The following PALB2 variants were observed in gnomAD, a reference collection of about 807,000 sequenced individuals.
PALB2 encodes the protein partner and localizer of BRCA2, also known as mutant partner and localizer of BRCA2.
Under a neutral mutation model 107.4 loss-of-function variants are expected in PALB2, and 82 were observed. The observed-to-expected ratio is 0.76, with a 90% CI of 0.64 to 0.92. The LOEUF is 0.92. Ranked by LOEUF, PALB2 falls within the 40% of genes least tolerant of loss-of-function variation. The pLI, the probability that PALB2 is intolerant of heterozygous loss-of-function variation, is 0.00. For missense variants in PALB2, 1,374 were observed against 1,379.9 expected, an observed-to-expected ratio of 1.00 and a Z score of 0.07; for synonymous variants, 489 against 496.8, an observed-to-expected ratio of 0.98 and a Z score of 0.21.
At chr16:23,623,470 G>T (rs1357226073) in intron 8 of PALB2, among the ~76,000 whole-genome samples, 6 of 148,272 alleles carry the variant, frequency 4.0e-5, no homozygotes, top group Non-Finnish European at 8.9e-5. Context: ...CCAAAGTGCT[G>T]GGATTACAGG....
At chr16:23,612,910 G>A (rs990604230) in intron 11 of PALB2, among the ~76,000 whole-genome samples, 13 of 151,762 alleles carry the variant, frequency 8.6e-5, no homozygotes, top group African/African-American at 2.2e-4. Flanking sequence ...GCGCCACCAC[G>A]CCCACCTAAT....
At position 23,636,254 on chromosome 16, in the gene PALB2, T is replaced by C. The variant is rs587782831; in HGVS notation, c.292A>G (p.Ile98Val). 1.6e-5 allele frequency: 26 copies of C among 1,613,850 alleles called. No individual in the cohort carries two copies. Among genetic ancestry groups the C allele is most frequent in the Middle Eastern group, 1.6e-4 (1 of 6,084 alleles). Residue 98 changes from isoleucine to valine, a missense_variant, in exon 4 of 13, where the codon ATC becomes GTC. Physicochemically the swap from Ile to Val is conservative, Grantham distance 29. Coordinates refer to ENST00000261584, the MANE Select transcript of PALB2 (RefSeq NM_024675.4). ...LDEETGEKTS[I>V]TLDVGPESFN... ...GACTCAGGCCCAACATCAAGTGTGATAGATGTCTTTTCTCCAGTTTCTTCA... is the reference window on the plus strand; with the variant it reads ...GACTCAGGCCCAACATCAAGTGTGACAGATGTCTTTTCTCCAGTTTCTTCA...
At chr16:23,608,801 T>TATATAGACACACACACAC (rs560756242) in intron 11 of PALB2, among the ~76,000 whole-genome samples, 1 of 143,762 alleles carries the variant, frequency 7.0e-6, no homozygotes, top group Non-Finnish European at 1.5e-5. Context: ...TGTATATATA[T>TATATAGACACACACACAC]ACACACACAC....
At chr16:23,641,070 G>T in intron 1 of PALB2, 40 bp downstream of exon 1, 1 of 1,608,176 alleles carries the variant, frequency 6.2e-7, no homozygotes, top group Non-Finnish European at 8.5e-7. Flanking sequence ...GGGAAAGCGG[G>T]GTCAGAGTCC....
chr16:23,634,626 C>T (rs1567220337), intron 4 of PALB2, among the ~76,000 whole-genome samples: 2 of 149,720 alleles, frequency 1.3e-5, no homozygotes, highest in Admixed American at 1.3e-4. Context: ...ACAGTGAGCC[C>T]CTGTCTCTTT....
At chr16:23,628,711 C>T (rs1966852022) in intron 6 of PALB2, among the ~76,000 whole-genome samples, 1 of 152,200 alleles carries the variant, frequency 6.6e-6, no homozygotes, top group East Asian at 1.9e-4. Flanking sequence ...TCTTGGCTCA[C>T]TGCAACGTCT....
intron 4 of PALB2, among the ~76,000 whole-genome samples, chr16:23,632,176 C>A (rs903108300): frequency 6.6e-6 from 1 of 152,228 alleles, no homozygotes; most frequent in African/African-American, 2.4e-5. Context: ...GGCTCAGTGG[C>A]TCACACCTAT....
At chr16:23,636,672 A>G (rs886421710) in intron 3 of PALB2, among the ~76,000 whole-genome samples, 1 of 152,234 alleles carries the variant, frequency 6.6e-6, no homozygotes, top group African/African-American at 2.4e-5. Flanking sequence ...TTTTAAGTAC[A>G]TATAAACAAA....
At chr16:23,606,916 G>A (rs995322530) in intron 12 of PALB2, among the ~76,000 whole-genome samples, 17 of 147,840 alleles carry the variant, frequency 1.1e-4, no homozygotes, top group East Asian at 2.0e-4. Flanking sequence ...CTGCCTCCCA[G>A]GTTCAAGTGA....
At chr16:23,634,742 G>T in intron 4 of PALB2, 120 bp downstream of exon 4, 1 of 1,380,874 alleles carries the variant, frequency 7.2e-7, no homozygotes, top group Non-Finnish European at 9.9e-7. Flanking sequence ...GATTACAGAC[G>T]TAAGCCACCA....
intron 1 of PALB2, among the ~76,000 whole-genome samples, chr16:23,639,270 C>A (rs1055830314): frequency 1.3e-5 from 2 of 152,116 alleles, no homozygotes; most frequent in Non-Finnish European, 2.9e-5. Flanking sequence ...CAGTGGCTCA[C>A]GCCTGTAATC....
chr16:23,640,303 C>T, intron 1 of PALB2: 1 of 201,680 alleles, frequency 5.0e-6, no homozygotes, highest in Non-Finnish European at 1.0e-5. Flanking sequence ...AAGCTGGAAA[C>T]ATCCTAAAAG....
rs1473970758 is a variant in PALB2 at position 23,638,114 on chromosome 16, C to A, written c.64G>T (p.Ala22Ser). 6.2e-7 allele frequency: 1 copy of A among 1,613,840 alleles called. No individual in the cohort carries two copies. Among genetic ancestry groups the A allele is most frequent in the African/African-American group, 1.3e-5 (1 of 74,888 alleles). Reference sequence around the variant, plus strand: ...TTGCTGTATTCCCTTTTCAAGAATGCTAATTTCTCCTTTAACTGGAAGAAG... The same window carrying A: ...TTGCTGTATTCCCTTTTCAAGAATGATAATTTCTCCTTTAACTGGAAGAAG... Reference protein sequence around the residue: ...EEKEKLKEKLAFLKREYSKTL... With the variant: ...EEKEKLKEKLSFLKREYSKTL... The change falls in exon 2 of 13, where the codon GCA (alanine) becomes TCA (serine). Residue 22 changes from alanine to serine, a missense_variant. Coordinates refer to ENST00000261584, the MANE Select transcript of PALB2 (RefSeq NM_024675.4).
At chr16:23,620,037 C>T (rs1226641087) in intron 10 of PALB2, among the ~76,000 whole-genome samples, 2 of 152,170 alleles carry the variant, frequency 1.3e-5, no homozygotes, top group African/African-American at 2.4e-5. Flanking sequence ...GCCTTGGCCT[C>T]CCAAAGTGCT....
intron 12 of PALB2, among the ~76,000 whole-genome samples, 177 bp from the exon 13 acceptor site, chr16:23,603,846 C>G (rs1242199372): frequency 1.3e-5 from 2 of 152,150 alleles, no homozygotes; most frequent in Non-Finnish European, 2.9e-5. Flanking sequence ...CAGTTTTGGA[C>G]AGAATCACAT....
At chr16:23,606,724 C>A (rs562226041) in intron 12 of PALB2, among the ~76,000 whole-genome samples, 1 of 151,666 alleles carries the variant, frequency 6.6e-6, no homozygotes, top group African/African-American at 2.4e-5. Flanking sequence ...GGGGTTTCAC[C>A]GTGTTGGTCA....
chr16:23,603,514 G>C lies in PALB2; in HGVS notation c.3506C>G (p.Ser1169Cys), dbSNP rs1555457848. 1 of 1,614,034 alleles carries C rather than the reference G, an allele frequency of 6.2e-7. No homozygotes were observed. The highest frequency in any genetic ancestry group is 8.5e-7 in the Non-Finnish European group (1 of 1,179,988). The change falls in exon 13 of 13, where the codon TCT (serine) becomes TGT (cysteine). Residue 1169 changes from serine (S) to cysteine (C), a missense_variant. By Grantham distance (112) the Ser-to-Cys change is moderately radical. Coordinates refer to ENST00000261584, the MANE Select transcript of PALB2 (RefSeq NM_024675.4). ...ATCTTTTTGTCCAGCCAGCAAATGAGAGTCTGTACCCGACCATTTCACAAA... is the reference window on the plus strand; with the variant it reads ...ATCTTTTTGTCCAGCCAGCAAATGACAGTCTGTACCCGACCATTTCACAAA... ...WSFVKWSGTD[S>C]HLLAGQKDGN...
chr16:23,612,613 AC>A (rs1158152842), intron 11 of PALB2, among the ~76,000 whole-genome samples: 1 of 139,288 alleles, frequency 7.2e-6, no homozygotes, highest in Admixed American at 7.5e-5. Flanking sequence ...CACAGCCTCG[AC>A]CTCCTGGGCT....
In PALB2 at chr16:23,607,928, T is replaced by C. The variant is rs62625281; in HGVS notation, c.3286A>G (p.Asn1096Asp). Reference sequence around the variant, plus strand: ...CCCACGCTGAGAGTCGTCTTAGGGTTAATCACAATGAGCTGAAACACAGGG... The same window carrying C: ...CCCACGCTGAGAGTCGTCTTAGGGTCAATCACAATGAGCTGAAACACAGGG... ...RSPVFQLIVINPKTTLSVGVM... is the reference protein window; with the variant it reads ...RSPVFQLIVIDPKTTLSVGVM... The change falls in exon 12 of 13, where the codon AAC becomes GAC. Residue 1096 changes from asparagine to aspartate, a missense_variant. By Grantham distance (23) the Asn-to-Asp change is conservative. Coordinates refer to ENST00000261584, the MANE Select transcript of PALB2 (RefSeq NM_024675.4). 1.2e-6 allele frequency: 2 copies of C among 1,614,170 alleles called. No homozygotes were observed. Among genetic ancestry groups the C allele is most frequent in the Non-Finnish European group, 8.5e-7 (1 of 1,180,040 alleles).
Sources: gnomAD v4.1 joint callset for allele counts (sites outside exome capture counted in the v4.1 genomes callset) on GRCh38, gnomAD v4.1.1 for gene constraint, MANE v1.5 for transcripts, NCBI Gene and HGNC (gene_info 2026-07-23, HGNC 2026-07-21) for gene names.